Variants in ZNF512B observed in about 807,000 individuals in gnomAD.
ZNF512B encodes the protein zinc finger protein 512B.
In ZNF512B, 22 loss-of-function variants were observed where a neutral mutation model predicts 87.8. The observed-to-expected ratio is 0.25, with a 90% CI of 0.18 to 0.36. ZNF512B has a LOEUF of 0.36. Among genes scored for constraint, ZNF512B ranks in the 10% least tolerant of loss-of-function variants. ZNF512B has a pLI of 1.00. For synonymous variants in ZNF512B, 524 were observed against 490.9 expected (o/e 1.07, Z -0.89); for missense variants, 1,060 against 1,231.6 (o/e 0.86, Z 2.09).
At position 63,967,054 on chromosome 20, in the gene ZNF512B, T is replaced by A. The variant is rs776102195; in HGVS notation, c.265-50A>T. The A allele has an allele frequency of 5.0e-6, 8 of 1,607,656 alleles. No individual in the cohort carries two copies. The Admixed American group carries it at 1.3e-4, about 27-fold the overall frequency. ...GCTGACCCGCAGCCACCTGGGCCAC[T>A]GCCAGCCCGAGCCCCAGACTCAGAG... On this transcript the variant is annotated intron_variant, in intron 3 of 16. Transcript: ENST00000369888.
rs201202425 is a variant in ZNF512B at position 63,967,874 on chromosome 20, C to A, written c.77G>T (p.Arg26Leu). ...SKSGPGKDGSRKEVRLPMLHD... is the reference protein window; with the variant it reads ...SKSGPGKDGSLKEVRLPMLHD... Reference sequence around the variant, plus strand: ...CAGCATTGGAAGTCGGACCTCCTTTCGGCTGCCATCCTTCCCGGGACCACT... The same window carrying A: ...CAGCATTGGAAGTCGGACCTCCTTTAGGCTGCCATCCTTCCCGGGACCACT... Residue 26 changes from arginine (R) to leucine (L), a missense_variant, in exon 2 of 17, where the codon CGA (arginine) becomes CTA (leucine). Coordinates refer to ENST00000369888, the MANE Select transcript of ZNF512B (RefSeq NM_020713.3). 1 of 1,613,416 alleles carries A rather than the reference C, an allele frequency of 6.2e-7. No homozygotes were observed. The highest frequency in any genetic ancestry group is 8.5e-7 in the Non-Finnish European group (1 of 1,179,862).
At chr20:63,962,812 T>C (rs1275696678) in intron 12 of ZNF512B, 31 bp from the exon 13 acceptor site, 2 of 1,556,416 alleles carry the variant, frequency 1.3e-6, no homozygotes, top group Non-Finnish European at 1.7e-6. Context: ...GAGGCTAGAG[T>C]GAGCCGCGGG....
intron 12 of ZNF512B, 50 bp from the exon 13 acceptor site, chr20:63,962,831 T>A (rs1373307476): frequency 6.6e-7 from 1 of 1,520,848 alleles, no homozygotes. Context: ...GGAGCAAGAG[T>A]CAGGTCAGCG....
rs2058895902 is a variant in ZNF512B at position 63,964,327 on chromosome 20, C to T, written c.1326G>A (p.Gly442=). The T allele has an allele frequency of 1.2e-6, 2 of 1,613,902 alleles. No homozygotes were observed. Among genetic ancestry groups the T allele is most frequent in the Non-Finnish European group, 1.7e-6 (2 of 1,179,950 alleles). The change falls in exon 7 of 17, where the codon GGG becomes GGA. Residue 442 remains glycine, a synonymous_variant. Coordinates refer to ENST00000369888, the MANE Select transcript of ZNF512B (RefSeq NM_020713.3). ...ACCGGGCTGGGGTCTTACCTTTGAG[C>T]CCAAAGGTCCCTGAGATGGATGGCT... is the stretch of plus-strand genomic sequence containing the variant. ...GEQPSISGTF[G]LKGLVKAEDK... is the part of the protein sequence containing the mutation.
In ZNF512B at chr20:63,959,982, G is replaced by T. The variant is rs199516973; in HGVS notation, c.2585C>A (p.Pro862Gln). The part of the protein sequence containing the change: ...TPEEPVAKLP[P>Q]RRDDWPPGCR... The stretch of plus-strand genomic sequence containing the variant: ...TCCTGGAGGCCAGTCGTCCCGGCGC[G>T]GGGGCAGCTTGGCCACAGGCTCCTC... The change falls in exon 17 of 17, where the codon CCG becomes CAG. Residue 862 changes from proline (P) to glutamine (Q), a missense_variant. Physicochemically the swap from Pro to Gln is moderately conservative, Grantham distance 76 (BLOSUM62 -1). Coordinates refer to ENST00000369888, the MANE Select transcript of ZNF512B (RefSeq NM_020713.3). 1.2e-6 allele frequency: 2 copies of T among 1,612,668 alleles called. No homozygotes were observed.
In ZNF512B at chr20:63,967,003, A is replaced by G. The variant is rs2058935220; in HGVS notation, c.266T>C (p.Leu89Pro). The change falls in exon 4 of 17, where the codon CTC becomes CCC. Residue 89 changes from leucine (L) to proline (P), a missense_variant and splice_region_variant. Physicochemically the swap from Leu to Pro is moderately conservative, Grantham distance 98. Coordinates refer to ENST00000369888, the MANE Select transcript of ZNF512B (RefSeq NM_020713.3). ...ATCCTTCCAGTCGTTCATCAGGGAG[A>G]GCTAGGCGTGGGGAAAGGTGGTGCT... The part of the protein sequence containing the change: ...AENQALRDIP[L>P]SLMNDWKDEF... 1.9e-6 allele frequency: 3 copies of G among 1,613,166 alleles called. No homozygotes were observed. Among genetic ancestry groups the G allele is most frequent in the African/African-American group, 2.7e-5 (2 of 74,870 alleles).
Position 63,959,638 on chromosome 20 carries a change from GC to G in ZNF512B, c.*249del. On this transcript the variant is annotated 3_prime_UTR_variant, in exon 17 of 17. Transcript: ENST00000369888. ...CCCAGACACATTCCCATGAGGAGGG[GC>G]AACCCTCCTGGCTATTGCACTTCTG... The G allele has an allele frequency of 2.0e-6, 1 of 511,476 alleles. No individual in the cohort carries two copies. The highest frequency in any genetic ancestry group is 3.2e-5 in the East Asian group (1 of 31,134). The allele number at this position is 511,476 out of a possible 1,614,324, so 31.7% of individuals were successfully genotyped here. A position where few individuals can be genotyped will look rare whatever the true frequency, so the allele number is the denominator to read the frequency against.
Position 63,962,004 on chromosome 20 carries a change from A to C in ZNF512B, c.2266T>G (p.Cys756Gly). The change falls in exon 15 of 17, where the codon TGC becomes GGC. Residue 756 changes from cysteine (C) to glycine (G), a missense_variant and splice_region_variant. By Grantham distance (159) the Cys-to-Gly change is radical. Transcript: ENST00000369888. ...ACGCTGGAGTAGATGGCTTCACAGC[A>C]CTGCAGGGAAGGGAGCCGTGGGCGA... ...EKGHVNCPND[C>G]CEAIYSSVSG... The C allele has an allele frequency of 6.4e-7, 1 of 1,550,944 alleles. No individual in the cohort carries two copies. The highest frequency in any genetic ancestry group is 8.7e-7 in the Non-Finnish European group (1 of 1,146,906).
chr20:63,962,807 T>C (rs7273242), intron 12 of ZNF512B, 26 bp from the exon 13 acceptor site: 210,785 of 1,567,172 alleles, frequency 0.13, 15,194 homozygotes, highest in South Asian at 0.23. Context: ...GCATGGAGGC[T>C]AGAGTGAGCC....
intron 2 of ZNF512B, 83 bp downstream of exon 2, chr20:63,967,747 C>A: frequency 6.4e-7 from 1 of 1,557,716 alleles, no homozygotes; most frequent in Admixed American, 1.7e-5. Context: ...TACCTGGAGA[C>A]AGGACGCCCA....
At position 63,958,151 on chromosome 20, in the gene ZNF512B, T is replaced by C. The variant is rs1419791179; in HGVS notation, c.*1737A>G. On this transcript the variant is annotated 3_prime_UTR_variant, in exon 17 of 17. Coordinates refer to ENST00000369888, the MANE Select transcript of ZNF512B (RefSeq NM_020713.3). The stretch of plus-strand genomic sequence containing the variant: ...TCTGCAACCCCAGTCCCCAAAGTGC[T>C]CCTGGAACTTGTCTCCCTACTACTG... 2 of 152,148 alleles carry C rather than the reference T, an allele frequency of 1.3e-5. No homozygotes were observed. The highest frequency in any genetic ancestry group is 3.9e-4 in the East Asian group (2 of 5,184). 9.4% of individuals were successfully genotyped at this position (152,148 alleles called of 1,614,324 possible).
In ZNF512B at chr20:63,961,191, CT is replaced by C. The variant is rs897249924; in HGVS notation, c.2427+117del. ...ACCAGATTTCTCCACATTGGCCACT[CT>C]CCCAGGCACACCCCATGCAGGCCAC... On this transcript the variant is annotated intron_variant, in intron 16 of 16. Coordinates refer to ENST00000369888, the MANE Select transcript of ZNF512B (RefSeq NM_020713.3). This position sits in a 1 kb window ranked among gnomAD's most constrained non-coding sequence, Gnocchi z 6.4. 11 of 890,796 alleles carry C rather than the reference CT, an allele frequency of 1.2e-5. No individual in the cohort carries two copies. Among genetic ancestry groups the C allele is most frequent in the African/African-American group, 1.6e-5 (1 of 60,922 alleles). 55.2% of individuals were successfully genotyped at this position (890,796 alleles called of 1,614,324 possible).
At chr20:63,960,699 G>T (rs376281493) in intron 16 of ZNF512B, among the ~76,000 whole-genome samples, 1 of 128,272 alleles carries the variant, frequency 7.8e-6, no homozygotes, top group Non-Finnish European at 1.7e-5. Flanking sequence ...CACAGCCTTC[G>T]GGACCAGGCA....
rs1332823172 is a variant in ZNF512B at position 63,964,087 on chromosome 20, C to T, written c.1464G>A (p.Val488=). 4 of 1,609,206 alleles carry T rather than the reference C, an allele frequency of 2.5e-6. No individual in the cohort carries two copies. In the East Asian group the frequency reaches 8.9e-5, roughly 36 times the overall value. Residue 488 remains valine, a synonymous_variant, in exon 8 of 17, where the codon GTG becomes GTA. Coordinates refer to ENST00000369888, the MANE Select transcript of ZNF512B (RefSeq NM_020713.3). ...ITVSKEAPAP[V]AHPAPGGPEE... ...AGCCCCTACCTGGAGCTGGGTGGGCCACAGGGGCCGGTGCCTCCTTGCTGA... is the reference window on the plus strand; with the variant it reads ...AGCCCCTACCTGGAGCTGGGTGGGCTACAGGGGCCGGTGCCTCCTTGCTGA...
rs913283207 is a variant in ZNF512B, at chr20:63,969,099, C to T, written c.-3+715G>A. The T allele has an allele frequency of 4.1e-6, 4 of 985,302 alleles. No homozygotes were observed. The African/African-American group carries it at 7.0e-5, about 17-fold the overall frequency. The allele number at this position is 985,302 out of a possible 1,614,324, so 61.0% of individuals were successfully genotyped here. A position where few individuals can be genotyped will look rare whatever the true frequency, so the allele number is the denominator to read the frequency against. ...CCATTGCCAAGGGGGAGGCCAGTGT[C>T]CGGGGACAAAGTTCTCTGGAAGTCC... is the stretch of plus-strand genomic sequence containing the variant. On this transcript the variant is annotated intron_variant, in intron 1 of 16. Transcript: ENST00000369888.
At chr20:63,968,797 C>G (rs2058953041) in intron 1 of ZNF512B, among the ~76,000 whole-genome samples, 1 of 152,280 alleles carries the variant, frequency 6.6e-6, no homozygotes, top group Non-Finnish European at 1.5e-5. Flanking sequence ...GCCCAGGATG[C>G]TGGCCAGAGA....
chr20:63,967,969 C>T lies in ZNF512B; in HGVS notation c.-2-17G>A, dbSNP rs1287470553. 1.3e-6 allele frequency: 2 copies of T among 1,594,442 alleles called. No homozygotes were observed. The highest frequency in any genetic ancestry group is 1.3e-5 in the African/African-American group (1 of 74,658). On this transcript the variant is annotated splice_polypyrimidine_tract_variant and intron_variant, in intron 1 of 16. Transcript: ENST00000369888. Reference sequence around the variant, plus strand: ...CCGTCATCTCTGCAGAGCAAGTAGACAATCTGTGAAGCCTGACGGGCCCCA... The same window carrying T: ...CCGTCATCTCTGCAGAGCAAGTAGATAATCTGTGAAGCCTGACGGGCCCCA...
At chr20:63,966,820 G>C in intron 4 of ZNF512B, 39 bp from the exon 5 acceptor site, 1 of 1,608,446 alleles carries the variant, frequency 6.2e-7, no homozygotes, top group Non-Finnish European at 8.5e-7. Context: ...GGGCCCCAAG[G>C]GCCTCTGCCC....
At position 63,959,810 on chromosome 20, in the gene ZNF512B, A is replaced by G; in HGVS notation, c.*78T>C. On this transcript the variant is annotated 3_prime_UTR_variant, in exon 17 of 17. Coordinates refer to ENST00000369888, the MANE Select transcript of ZNF512B (RefSeq NM_020713.3). ...GGTGGGGGATGGAGAACTGGAGGACAGAGGTCCCGGAGCTGGCCCTGCCTT... is the reference window on the plus strand; with the variant it reads ...GGTGGGGGATGGAGAACTGGAGGACGGAGGTCCCGGAGCTGGCCCTGCCTT... The G allele has an allele frequency of 6.7e-7, 1 of 1,493,330 alleles. No individual in the cohort carries two copies. Among genetic ancestry groups the G allele is most frequent in the Admixed American group, 2.3e-5 (1 of 43,198 alleles). The allele number at this position is 1,493,330 out of a possible 1,614,324, so 92.5% of individuals were successfully genotyped here. A position where few individuals can be genotyped will look rare whatever the true frequency, so the allele number is the denominator to read the frequency against.
Sources: allele counts gnomAD v4.1 joint callset (sites outside exome capture counted in the v4.1 genomes callset), GRCh38; gene constraint gnomAD v4.1.1; non-coding constraint Gnocchi (gnomAD v3.1); transcripts MANE v1.5; gene names NCBI Gene and HGNC (gene_info 2026-07-23, HGNC 2026-07-21).